EML6: variants seen among roughly 807,000 people sequenced by gnomAD.
The protein encoded by EML6 is echinoderm microtubule-associated protein-like 6.
Under a neutral mutation model 240.1 loss-of-function variants are expected in EML6, and 154 were observed. That is an observed-to-expected ratio of 0.64 (90% CI 0.56 to 0.73). The LOEUF is 0.73. Ranked by LOEUF, EML6 falls within the 30% of genes least tolerant of loss-of-function variation. The pLI is 0.00. For synonymous variants in EML6, 1,148 were observed against 899.0 expected, an observed-to-expected ratio of 1.28 and a Z score of -4.95; for missense variants, 2,964 against 2,474.6, an observed-to-expected ratio of 1.20 and a Z score of -4.20.
chr2:54,811,407 T>A (rs1667836716), intron 2 of EML6, among the ~76,000 whole-genome samples: 1 of 152,236 alleles, frequency 6.6e-6, no homozygotes, highest in African/African-American at 2.4e-5. Flanking sequence ...CTTTGCACCT[T>A]GTCTTTCATA....
rs1484866617 is a variant in EML6 at position 54,894,900 on chromosome 2, T to C, written c.2743-15T>C. 2.6e-6 allele frequency: 4 copies of C among 1,531,098 alleles called. No individual in the cohort carries two copies. The highest frequency in any genetic ancestry group is 2.4e-5 in the South Asian group (2 of 83,556). 94.8% of individuals were successfully genotyped at this position (1,531,098 alleles called of 1,614,324 possible). A position where few individuals can be genotyped will look rare whatever the true frequency, so the allele number is the denominator to read the frequency against. Reference sequence around the variant, plus strand: ...TTTGATGTGTATATAATACCTCTCATGTGTGCCTTCACAGGGCTTTGTAAC... The same window carrying C: ...TTTGATGTGTATATAATACCTCTCACGTGTGCCTTCACAGGGCTTTGTAAC... On this transcript the variant is annotated splice_polypyrimidine_tract_variant and intron_variant, in intron 19 of 41. Coordinates refer to ENST00000356458, the MANE Select transcript of EML6 (RefSeq NM_001039753.4).
intron 3 of EML6, among the ~76,000 whole-genome samples, chr2:54,816,558 A>T (rs1668091305): frequency 6.6e-6 from 1 of 152,204 alleles, no homozygotes; most frequent in African/African-American, 2.4e-5. Context: ...TCTTACACTT[A>T]AAAAGGATAA....
At chr2:54,807,012 GACAT>G (rs1261662920) in intron 2 of EML6, among the ~76,000 whole-genome samples, 5 of 152,124 alleles carry the variant, frequency 3.3e-5, no homozygotes, top group Admixed American at 6.6e-5. Flanking sequence ...ACACTTTACT[GACAT>G]AAATAATATA....
chr2:54,968,609 C>G, intron 40 of EML6, 59 bp from the exon 41 acceptor site: 1 of 965,854 alleles, frequency 1.0e-6, no homozygotes, highest in Non-Finnish European at 1.6e-6. Context: ...TGGAAGTAGT[C>G]TGTGGTTGCT....
chr2:54,772,766 A>G (rs1668450900), intron 2 of EML6, among the ~76,000 whole-genome samples: 2 of 152,228 alleles, frequency 1.3e-5, no homozygotes, highest in South Asian at 4.1e-4. Flanking sequence ...GTTCCTCTGC[A>G]GAGACCATGT....
At chr2:54,845,647 C>T (rs1344171893) in intron 8 of EML6, among the ~76,000 whole-genome samples, 1 of 152,150 alleles carries the variant, frequency 6.6e-6, no homozygotes, top group Non-Finnish European at 1.5e-5. Context: ...GCAAGGGTTA[C>T]ATTGCTTAAA....
chr2:54,795,213 C>T (rs7582139), intron 2 of EML6, among the ~76,000 whole-genome samples: 1,526 of 152,246 alleles, frequency 0.01, 37 homozygotes, highest in African/African-American at 0.035. Context: ...ACTCACACTT[C>T]AGCATGGGTG....
chr2:54,780,517 T>C (rs1241145572), intron 2 of EML6, among the ~76,000 whole-genome samples: 1 of 152,232 alleles, frequency 6.6e-6, no homozygotes, highest in African/African-American at 2.4e-5. Flanking sequence ...TAGTTCTTCC[T>C]ATATTCTCTA....
At position 54,896,555 on chromosome 2, in the gene EML6, A is replaced by G. The variant is rs561380149; in HGVS notation, c.2982+1155A>G. Among the ~76,000 whole-genome samples, 28 of 152,324 alleles carry G rather than the reference A, an allele frequency of 1.8e-4. No individual in the cohort carries two copies. The South Asian group carries it at 5.0e-3, about 27-fold the overall frequency. ...GCCCAGTTTGGTGATGGATAAGACCATATTTAGGTGGAAGAGGCATGGTGA... is the reference window on the plus strand; with the variant it reads ...GCCCAGTTTGGTGATGGATAAGACCGTATTTAGGTGGAAGAGGCATGGTGA... On this transcript the variant is annotated intron_variant, in intron 21 of 41. Coordinates refer to ENST00000356458, the MANE Select transcript of EML6 (RefSeq NM_001039753.4).
intron 2 of EML6, among the ~76,000 whole-genome samples, chr2:54,752,054 T>A (rs1684200297): frequency 6.6e-6 from 1 of 152,186 alleles, no homozygotes; most frequent in South Asian, 2.1e-4. Context: ...ATGAGTGCAC[T>A]TTAGGGCATC....
chr2:54,950,845 T>C lies in EML6; in HGVS notation c.4213+66T>C, dbSNP rs1380326609. On this transcript the variant is annotated intron_variant, in intron 30 of 41. Transcript: ENST00000356458. ...TTTTTTACATGCTTTCCCCACTCTT[T>C]AGATGCCCAAAAGCTTAAGCATTTT... 8.1e-6 allele frequency: 12 copies of C among 1,474,990 alleles called. No individual in the cohort carries two copies. In the East Asian group the frequency reaches 9.9e-5, roughly 12 times the overall value. 91.4% of individuals were successfully genotyped at this position (1,474,990 alleles called of 1,614,324 possible). A position where few individuals can be genotyped will look rare whatever the true frequency, so the allele number is the denominator to read the frequency against.
chr2:54,887,772 G>A (rs1054882076), intron 17 of EML6, among the ~76,000 whole-genome samples: 11 of 152,076 alleles, frequency 7.2e-5, no homozygotes, highest in African/African-American at 2.4e-4. Context: ...ATTTTAGAGT[G>A]GTTTTAGATT....
At chr2:54,930,606 CA>C (rs1372382976) in intron 28 of EML6, among the ~76,000 whole-genome samples, 1 of 151,762 alleles carries the variant, frequency 6.6e-6, no homozygotes, top group Non-Finnish European at 1.5e-5. Context: ...TAAAAAAATT[CA>C]CACCAGGATT....
intron 2 of EML6, among the ~76,000 whole-genome samples, chr2:54,751,515 A>G (rs1224857131): frequency 6.6e-6 from 1 of 152,174 alleles, no homozygotes; most frequent in Admixed American, 6.5e-5. Context: ...AAAAAATAGG[A>G]TAAGTTTAAA....
intron 7 of EML6, 134 bp downstream of exon 7, chr2:54,829,611 T>C (rs1668766633): frequency 1.6e-6 from 1 of 640,782 alleles, no homozygotes; most frequent in Non-Finnish European, 2.5e-6. Flanking sequence ...AGCAAAAGTA[T>C]GTTAAAAGTA....
Position 54,899,802 on chromosome 2 carries a change from A to G in EML6, c.3124+20A>G, listed in dbSNP as rs1357630355. ...AAAAAGGTACATAACACCACCTTAC[A>G]CATCTGTCAGAGTATTTACAAGTAA... is the stretch of plus-strand genomic sequence containing the variant. On this transcript the variant is annotated intron_variant, in intron 22 of 41. Transcript: ENST00000356458. 6.5e-7 allele frequency: 1 copy of G among 1,542,568 alleles called. No individual in the cohort carries two copies. The highest frequency in any genetic ancestry group is 2.5e-5 in the East Asian group (1 of 40,682).
intron 31 of EML6, among the ~76,000 whole-genome samples, chr2:54,953,475 A>G (rs1676080876): frequency 2.0e-5 from 3 of 152,238 alleles, no homozygotes; most frequent in Admixed American, 1.3e-4. Flanking sequence ...TGTGTTGAAC[A>G]TAAATGTCCG....
chr2:54,962,127 G>C (rs1450070892), intron 35 of EML6, among the ~76,000 whole-genome samples: 6 of 148,736 alleles, frequency 4.0e-5, no homozygotes, highest in East Asian at 2.0e-4. Flanking sequence ...GTGTCACCCA[G>C]GCTGGAGTGC....
intron 8 of EML6, among the ~76,000 whole-genome samples, chr2:54,846,160 CA>C (rs1161975442): frequency 6.6e-6 from 1 of 152,106 alleles, no homozygotes; most frequent in Non-Finnish European, 1.5e-5. Context: ...GTGAGGTGTC[CA>C]CCCCCACAAA....
Sources: allele counts gnomAD v4.1 joint callset (sites outside exome capture counted in the v4.1 genomes callset), GRCh38; gene constraint gnomAD v4.1.1; transcripts MANE v1.5; gene names NCBI Gene and HGNC (gene_info 2026-07-23, HGNC 2026-07-21).